ADGRL2: variants seen among roughly 807,000 people sequenced by gnomAD.
ADGRL2 encodes the protein adhesion G protein-coupled receptor L2, also known as calcium-independent alpha-latrotoxin receptor 2.
A neutral mutation model predicts 157.4 loss-of-function variants in ADGRL2; 44 were observed. That is an observed-to-expected ratio of 0.28 (90% confidence interval 0.22 to 0.36). The LOEUF is 0.36. Ranked by LOEUF, ADGRL2 falls within the 10% of genes least tolerant of loss-of-function variation. The pLI is 1.00. For missense variants in ADGRL2, 1,510 were observed against 1,768.9 expected (o/e 0.85, Z 2.63); for synonymous variants, 585 against 624.7 (o/e 0.94, Z 0.95).
At chr1:81,758,471 T>A (rs1250265479) in intron 1 of ADGRL2, among the ~76,000 whole-genome samples, 2 of 152,172 alleles carry the variant, frequency 1.3e-5, no homozygotes, top group African/African-American at 2.4e-5. Context: ...CTAAGACCTG[T>A]TTGTTTTTCT....
intron 2 of ADGRL2, chr1:81,514,973 G>A (rs1323354782): frequency 1.3e-5 from 2 of 152,112 alleles, no homozygotes; most frequent in East Asian, 1.9e-4. Context: ...TTTCTCTTCT[G>A]GTATTCCTCC....
rs146938425 is a variant in ADGRL2, at chr1:81,735,775, G to C, written c.-142-26036G>C. On this transcript the variant is annotated intron_variant, in intron 1 of 20. Coordinates refer to the ADGRL2 transcript ENST00000359929. ...ACTGTACCCCAGCCTGGGTGACAGA[G>C]TGAGACTCCATCTCAAAAAAAAAAA... Among the ~76,000 whole-genome samples the C allele has an allele frequency of 4.1e-3, 618 of 151,792 alleles. 7 individuals are homozygous for C. The highest frequency in any genetic ancestry group is 0.028 in the Admixed American group (430 of 15,238).
intron 3 of ADGRL2, among the ~76,000 whole-genome samples, chr1:81,660,500 A>G (rs1174948005): frequency 1.3e-5 from 2 of 152,126 alleles, no homozygotes; most frequent in Non-Finnish European, 2.9e-5. Flanking sequence ...CTCCAAAAGT[A>G]AATAGAAGAT....
chr1:81,795,129 T>C (rs1194822161), intron 2 of ADGRL2, among the ~76,000 whole-genome samples: 1 of 152,120 alleles, frequency 6.6e-6, no homozygotes, highest in Non-Finnish European at 1.5e-5. Context: ...CGATGGTCCG[T>C]GGCTGTAATC....
At chr1:81,578,853 G>C (rs2148528737) in intron 2 of ADGRL2, among the ~76,000 whole-genome samples, 2 of 152,218 alleles carry the variant, frequency 1.3e-5, no homozygotes, top group African/African-American at 4.8e-5. Context: ...CGAAGCACAA[G>C]CATAATTTGG....
chr1:81,380,602 A>G (rs1242379589), intron 1 of ADGRL2, among the ~76,000 whole-genome samples: 1 of 152,178 alleles, frequency 6.6e-6, no homozygotes, highest in Non-Finnish European at 1.5e-5. Context: ...CCATTTATCC[A>G]ATACCATTTT....
intron 1 of ADGRL2, among the ~76,000 whole-genome samples, chr1:81,712,018 C>T (rs2083947587): frequency 6.6e-6 from 1 of 152,168 alleles, no homozygotes; most frequent in Non-Finnish European, 1.5e-5. Context: ...CAAGTGTCCG[C>T]CAAGTAGAGA....
chr1:81,745,512 T>C (rs1376641675), intron 1 of ADGRL2, among the ~76,000 whole-genome samples: 3 of 152,150 alleles, frequency 2.0e-5, no homozygotes, highest in African/African-American at 7.2e-5. Flanking sequence ...ACCTATCCTA[T>C]AGAGTTGTAA....
intron 2 of ADGRL2, among the ~76,000 whole-genome samples, chr1:81,578,504 T>C (rs184655454): frequency 2.6e-5 from 4 of 152,312 alleles, no homozygotes; most frequent in African/African-American, 9.6e-5. Flanking sequence ...TTAGGAATTA[T>C]ATTAAGTGGC....
At chr1:81,338,719 A>G (rs576822454) in intron 1 of ADGRL2, among the ~76,000 whole-genome samples, 1 of 152,164 alleles carries the variant, frequency 6.6e-6, no homozygotes, top group Non-Finnish European at 1.5e-5. Context: ...AAACATTGCT[A>G]TTCCTCTTCT....
intron 1 of ADGRL2, among the ~76,000 whole-genome samples, chr1:81,435,359 A>T (rs1404831910): frequency 6.6e-6 from 1 of 152,236 alleles, no homozygotes; most frequent in Non-Finnish European, 1.5e-5. Context: ...TCCAAAGAAC[A>T]ACTTCCCAGA....
chr1:81,578,752 G>A (rs2080846538), intron 2 of ADGRL2, among the ~76,000 whole-genome samples: 1 of 152,092 alleles, frequency 6.6e-6, no homozygotes, highest in Non-Finnish European at 1.5e-5. Flanking sequence ...AACTCAAACA[G>A]CACCTGAGTC....
intron 1 of ADGRL2, among the ~76,000 whole-genome samples, chr1:81,712,381 T>A (rs1472272696): frequency 1.3e-5 from 2 of 152,200 alleles, no homozygotes; most frequent in East Asian, 3.9e-4. Flanking sequence ...TGACATGATG[T>A]CATTGAACTA....
At chr1:81,671,420 G>T (rs1282753242) in intron 3 of ADGRL2, among the ~76,000 whole-genome samples, 1 of 152,064 alleles carries the variant, frequency 6.6e-6, no homozygotes, top group East Asian at 1.9e-4. Context: ...TTAAATCAGT[G>T]TTTCTCAAAC....
At chr1:81,908,288 T>C (rs920624647) in intron 3 of ADGRL2, among the ~76,000 whole-genome samples, 1 of 152,202 alleles carries the variant, frequency 6.6e-6, no homozygotes, top group Non-Finnish European at 1.5e-5. Flanking sequence ...CTAGTTTCAC[T>C]GCCCTAAAAA....
chr1:81,690,313 C>A (rs983143104), intron 3 of ADGRL2, among the ~76,000 whole-genome samples: 1 of 152,076 alleles, frequency 6.6e-6, no homozygotes, highest in Middle Eastern at 3.4e-3. Context: ...GCCAACATGG[C>A]GAAACCCCAT....
intron 1 of ADGRL2, among the ~76,000 whole-genome samples, chr1:81,440,988 T>G (rs1287781831): frequency 6.6e-6 from 1 of 152,208 alleles, no homozygotes; most frequent in Non-Finnish European, 1.5e-5. Flanking sequence ...ACAAGAAGCA[T>G]TCTTCTAGAG....
At chr1:81,344,477 G>A (rs186553771) in intron 1 of ADGRL2, among the ~76,000 whole-genome samples, 114 of 152,044 alleles carry the variant, frequency 7.5e-4, no homozygotes, top group African/African-American at 2.7e-3. Flanking sequence ...GGGAGTTCGA[G>A]ACCAGCCTGA....
At chr1:81,501,618 C>T (rs1230234112) in intron 2 of ADGRL2, among the ~76,000 whole-genome samples, 2 of 152,344 alleles carry the variant, frequency 1.3e-5, no homozygotes, top group Non-Finnish European at 2.9e-5. Flanking sequence ...CGGAGGAGTC[C>T]GAGACGCAGC....
Sources: gnomAD v4.1 joint callset for allele counts (sites outside exome capture counted in the v4.1 genomes callset) on GRCh38, gnomAD v4.1.1 for gene constraint, MANE v1.5 for transcripts, NCBI Gene and HGNC (gene_info 2026-07-23, HGNC 2026-07-21) for gene names.